GNAQ: variants seen among roughly 807,000 people sequenced by gnomAD.
The protein encoded by GNAQ is guanine nucleotide-binding protein G(q) subunit alpha.
A neutral mutation model predicts 43.9 loss-of-function variants in GNAQ; 8 were observed. The observed-to-expected ratio is 0.18, with a 90% CI of 0.11 to 0.33. The LOEUF is 0.33. Among genes scored for constraint, GNAQ ranks in the 10% least tolerant of loss-of-function variants. The pLI is 1.00. For synonymous variants in GNAQ, 155 were observed against 170.7 expected, an observed-to-expected ratio of 0.91 and a Z score of 0.71; for missense variants, 158 against 450.8, an observed-to-expected ratio of 0.35 and a Z score of 5.88.
intron 2 of GNAQ, among the ~76,000 whole-genome samples, chr9:77,835,698 T>C (rs1349932823): frequency 5.3e-5 from 8 of 152,218 alleles, no homozygotes; most frequent in Non-Finnish European, 1.2e-4. Flanking sequence ...GACCCATTTA[T>C]AGCTCAGAAA....
chr9:77,969,421 C>G (rs1422577691), intron 1 of GNAQ, among the ~76,000 whole-genome samples: 1 of 152,156 alleles, frequency 6.6e-6, no homozygotes, highest in Non-Finnish European at 1.5e-5. Context: ...GATCTTGCCT[C>G]CCTATACAAT....
chr9:77,823,251 A>G (rs373528553), intron 2 of GNAQ, among the ~76,000 whole-genome samples: 35 of 152,250 alleles, frequency 2.3e-4, no homozygotes, highest in African/African-American at 6.7e-4. Context: ...GAATTTAAGT[A>G]GGAAGAAGGG....
At chr9:77,938,268 G>T (rs993130016) in intron 1 of GNAQ, among the ~76,000 whole-genome samples, 12 of 152,126 alleles carry the variant, frequency 7.9e-5, no homozygotes, top group African/African-American at 2.9e-4. Context: ...CACAGCCTAT[G>T]GATTCAGAAG....
At position 77,882,837 on chromosome 9, in the gene GNAQ, C is replaced by T. The variant is rs374532198; in HGVS notation, c.321+39324G>A. Among the ~76,000 whole-genome samples, 10 of 152,068 alleles carry T rather than the reference C, an allele frequency of 6.6e-5. No homozygotes were observed. In the East Asian group the frequency reaches 1.4e-3, roughly 21 times the overall value. On this transcript the variant is annotated intron_variant, in intron 2 of 6. Transcript: ENST00000286548. ...TTGTAATAAACTATTTTTAAAGTGC[C>T]TTTGTGCAGATGAGATACACAGGAA...
rs573164171 is a variant in GNAQ, at chr9:77,923,923, T to C, written c.137-1578A>G. Among the ~76,000 whole-genome samples, 4 of 152,310 alleles carry C rather than the reference T, an allele frequency of 2.6e-5. No individual in the cohort carries two copies. The South Asian group carries it at 8.3e-4, about 32-fold the overall frequency. ...TTCTGATGGTTGGATTTCATTACTATCTTTATAAACAATCACAAAATTTCA... is the reference window on the plus strand; with the variant it reads ...TTCTGATGGTTGGATTTCATTACTACCTTTATAAACAATCACAAAATTTCA... On this transcript the variant is annotated intron_variant, in intron 1 of 6. Coordinates refer to ENST00000286548, the MANE Select transcript of GNAQ (RefSeq NM_002072.5).
At chr9:77,790,677 T>C (rs767072519) in intron 5 of GNAQ, among the ~76,000 whole-genome samples, 11 of 152,200 alleles carry the variant, frequency 7.2e-5, no homozygotes, top group Non-Finnish European at 1.3e-4. Flanking sequence ...CTTTGCTGCC[T>C]TATAGCTCCT....
intron 1 of GNAQ, among the ~76,000 whole-genome samples, chr9:77,985,714 G>A (rs1252235767): frequency 6.6e-6 from 1 of 151,984 alleles, no homozygotes; most frequent in Non-Finnish European, 1.5e-5. Flanking sequence ...AGCCTCCTGA[G>A]TAGCTGGGAT....
chr9:77,846,374 T>C (rs1176716155), intron 2 of GNAQ, among the ~76,000 whole-genome samples: 1 of 152,102 alleles, frequency 6.6e-6, no homozygotes, highest in Non-Finnish European at 1.5e-5. Flanking sequence ...CCTGCTCCAT[T>C]CACCTGCACA....
At chr9:77,962,690 A>C (rs1402517003) in intron 1 of GNAQ, among the ~76,000 whole-genome samples, 4 of 151,852 alleles carry the variant, frequency 2.6e-5, no homozygotes, top group African/African-American at 7.3e-5. Flanking sequence ...AGGAGTGTGA[A>C]GCCAGCCTGG....
chr9:77,828,531 C>T (rs898486127), intron 2 of GNAQ, among the ~76,000 whole-genome samples: 4 of 152,184 alleles, frequency 2.6e-5, no homozygotes, highest in Admixed American at 2.0e-4. Flanking sequence ...CAAGCTGTAT[C>T]GTGCCTGTCA....
chr9:77,883,308 G>A (rs1381642039), intron 2 of GNAQ, among the ~76,000 whole-genome samples: 2 of 152,066 alleles, frequency 1.3e-5, no homozygotes, highest in Non-Finnish European at 2.9e-5. Flanking sequence ...TCTCCAGATG[G>A]TTACAGCAGC....
intron 2 of GNAQ, among the ~76,000 whole-genome samples, chr9:77,896,360 C>A (rs1316801892): frequency 6.6e-6 from 1 of 152,150 alleles, no homozygotes; most frequent in Non-Finnish European, 1.5e-5. Flanking sequence ...ATAAACCTTT[C>A]AAAAATCACC....
At chr9:77,799,847 G>A (rs2118021) in intron 3 of GNAQ, among the ~76,000 whole-genome samples, 89,796 of 152,026 alleles carry the variant, frequency 0.59, 27,628 homozygotes, top group Middle Eastern at 0.7. Context: ...TCAGCTCTCT[G>A]TTGAGTAACA....
intron 1 of GNAQ, among the ~76,000 whole-genome samples, chr9:77,968,366 T>C (rs1191191025): frequency 2.0e-5 from 3 of 152,220 alleles, no homozygotes; most frequent in African/African-American, 7.2e-5. Context: ...TGAATTATAT[T>C]CCTTTTTTCA....
intron 1 of GNAQ, among the ~76,000 whole-genome samples, chr9:77,946,634 A>T (rs1329644427): frequency 6.6e-6 from 1 of 152,208 alleles, no homozygotes; most frequent in African/African-American, 2.4e-5. Flanking sequence ...ATAAGACAAA[A>T]ATAAAATAAA....
chr9:77,922,448 C>G lies in GNAQ; in HGVS notation c.137-103G>C, dbSNP rs1829013155. On this transcript the variant is annotated intron_variant, in intron 1 of 6. Coordinates refer to ENST00000286548, the MANE Select transcript of GNAQ (RefSeq NM_002072.5). ...CTTGGATTTAACATCCCCAGATAGC[C>G]TGCTGAGAGGAGCGACTCTAGAATT... 4 of 770,252 alleles carry G rather than the reference C, an allele frequency of 5.2e-6. No homozygotes were observed. The South Asian group carries it at 7.0e-5, about 14-fold the overall frequency. The allele number at this position is 770,252 out of a possible 1,614,324, so 47.7% of individuals were successfully genotyped here. A position where few individuals can be genotyped will look rare whatever the true frequency, so the allele number is the denominator to read the frequency against.
chr9:77,891,100 A>C (rs1218224373), intron 2 of GNAQ, among the ~76,000 whole-genome samples: 2 of 152,238 alleles, frequency 1.3e-5, no homozygotes, highest in Admixed American at 1.3e-4. Context: ...ATAATATTCA[A>C]ATATAAAATG....
intron 5 of GNAQ, among the ~76,000 whole-genome samples, chr9:77,750,119 A>G (rs1825790389): frequency 6.6e-6 from 1 of 152,142 alleles, no homozygotes; most frequent in South Asian, 2.1e-4. Context: ...GTACATCTTT[A>G]AAAAATATTA....
At chr9:77,979,815 T>C (rs1823347411) in intron 1 of GNAQ, among the ~76,000 whole-genome samples, 1 of 152,250 alleles carries the variant, frequency 6.6e-6, no homozygotes, top group Non-Finnish European at 1.5e-5. Flanking sequence ...TCCCCCTATG[T>C]GTAGGTTTGC....
Sources: allele counts gnomAD v4.1 joint callset (sites outside exome capture counted in the v4.1 genomes callset), GRCh38; gene constraint gnomAD v4.1.1; transcripts MANE v1.5; gene names NCBI Gene and HGNC (gene_info 2026-07-23, HGNC 2026-07-21).